Variants in CRNKL1 observed in about 807,000 individuals in gnomAD.
CRNKL1 encodes the protein crooked neck pre-mRNA splicing factor 1.
A neutral mutation model predicts 103.7 loss-of-function variants in CRNKL1; 35 were observed. That is an observed-to-expected ratio of 0.34 (90% CI 0.26 to 0.45). The LOEUF is 0.45. Ranked by LOEUF, CRNKL1 falls within the 20% of genes least tolerant of loss-of-function variation. The pLI, the probability that CRNKL1 is intolerant of heterozygous loss-of-function variation, is 1.00. For missense variants in CRNKL1, 645 were observed against 836.0 expected, an observed-to-expected ratio of 0.77 and a Z score of 2.82; for synonymous variants, 267 against 282.6, an observed-to-expected ratio of 0.94 and a Z score of 0.55.
chr20:20,050,960 A>C (rs1161670821), intron 1 of CRNKL1, among the ~76,000 whole-genome samples: 1 of 152,248 alleles, frequency 6.6e-6, no homozygotes, highest in Admixed American at 6.5e-5. Flanking sequence ...CAAAATGTGT[A>C]GCACATCTTA....
intron 7 of CRNKL1, 78 bp from the exon 8 acceptor site, chr20:20,042,594 G>T: frequency 7.4e-7 from 1 of 1,342,496 alleles, no homozygotes; most frequent in Non-Finnish European, 1.0e-6. Context: ...CTGAAAAAAG[G>T]CATCAGGCTG....
At chr20:20,038,737 C>G (rs1403389030) in intron 11 of CRNKL1, 3 of 278,470 alleles carry the variant, frequency 1.1e-5, no homozygotes, top group Non-Finnish European at 2.0e-5. Context: ...ACTTGCCAAG[C>G]ATCTCCCAGG....
At chr20:20,050,880 C>T in intron 1 of CRNKL1, among the ~76,000 whole-genome samples, 1 of 152,156 alleles carries the variant, frequency 6.6e-6, no homozygotes, top group Non-Finnish European at 1.5e-5. Context: ...CAAGTTTTCC[C>T]TTTTAGATGA....
upstream of CRNKL1, among the ~76,000 whole-genome samples, chr20:20,053,886 A>C (rs2044000956): frequency 6.6e-6 from 1 of 152,176 alleles, no homozygotes; most frequent in Non-Finnish European, 1.5e-5. Flanking sequence ...TCATTGGTTT[A>C]ATCATCTGTT....
At chr20:20,052,571 C>T (rs982161407), upstream of CRNKL1, 4 of 1,613,806 alleles carry the variant, frequency 2.5e-6, no homozygotes, top group African/African-American at 4.0e-5. Context: ...TGGAGTGCGG[C>T]GTCCTGGAGC....
intron 12 of CRNKL1, 70 bp from the exon 13 acceptor site, chr20:20,037,641 A>G: frequency 6.8e-7 from 1 of 1,467,960 alleles, no homozygotes; most frequent in Non-Finnish European, 9.2e-7. Flanking sequence ...GTAATAATAA[A>G]GCGAATTCCC....
upstream of CRNKL1, chr20:20,052,620 A>T (rs1568773147): frequency 6.2e-7 from 1 of 1,613,700 alleles, no homozygotes; most frequent in Non-Finnish European, 8.5e-7. Flanking sequence ...ACTAGCAGCG[A>T]CGCAAGGACT....
chr20:20,036,421 G>T (rs1340004223), intron 13 of CRNKL1, 59 bp from the exon 14 acceptor site: 3 of 1,517,420 alleles, frequency 2.0e-6, no homozygotes, highest in Non-Finnish European at 2.7e-6. Context: ...ACATATCAGA[G>T]TGAAGAATTT....
chr20:20,049,166 A>G (rs1282566148), intron 3 of CRNKL1, among the ~76,000 whole-genome samples, 174 bp downstream of exon 3: 2 of 151,792 alleles, frequency 1.3e-5, no homozygotes, highest in Non-Finnish European at 2.9e-5. Flanking sequence ...GGACTATTCT[A>G]CCCCAGTACT....
chr20:20,038,996 G>A (rs2043467875), intron 11 of CRNKL1, among the ~76,000 whole-genome samples: 1 of 152,344 alleles, frequency 6.6e-6, no homozygotes, highest in Admixed American at 6.5e-5. Flanking sequence ...GATGAACTCA[G>A]TGATACCCAA....
upstream of CRNKL1, among the ~76,000 whole-genome samples, chr20:20,054,368 A>G (rs1237349754): frequency 6.6e-6 from 1 of 151,892 alleles, no homozygotes; most frequent in Non-Finnish European, 1.5e-5. Flanking sequence ...CCCATTGACT[A>G]TTTTGTATGG....
intron 13 of CRNKL1, 63 bp downstream of exon 13, chr20:20,037,260 C>T (rs531686665): frequency 6.2e-5 from 97 of 1,552,878 alleles, no homozygotes; most frequent in Non-Finnish European, 7.7e-5. Context: ...GTCCACATTT[C>T]GACGTCAGAA....
At chr20:20,043,199 G>A (rs2043542890) in intron 7 of CRNKL1, among the ~76,000 whole-genome samples, 2 of 152,146 alleles carry the variant, frequency 1.3e-5, no homozygotes, top group South Asian at 4.1e-4. Flanking sequence ...TTCCAACAAT[G>A]AGCTCGAATG....
Position 20,045,442 on chromosome 20 carries a change from G to A in CRNKL1, c.667C>T (p.Arg223Cys), listed in dbSNP as rs758267504. 1.4e-5 allele frequency: 22 copies of A among 1,611,928 alleles called. 1 individual carries two copies. The East Asian group carries it at 1.6e-4, about 11-fold the overall frequency. ...PDVKNWIKYA[R>C]FEEKHAYFAH... ...AAATAAGCATGTTTTTCTTCAAAGC[G>A]GGCATACTTGATCCAGTTCTTAACA... is the stretch of plus-strand genomic sequence containing the variant. Residue 223 changes from arginine to cysteine, a missense_variant, in exon 6 of 14, where the codon CGC becomes TGC. Arg to Cys is a radical substitution (Grantham distance 180). This residue lies in a region of CRNKL1 where 582 missense variants were observed against 707.7 expected (regional missense o/e 0.82). Coordinates refer to ENST00000536226, the MANE Select transcript of CRNKL1 (RefSeq NM_001278628.2).
intron 2 of CRNKL1, 71 bp downstream of exon 2, chr20:20,050,399 A>AT (rs2043669446): frequency 1.4e-6 from 2 of 1,401,740 alleles, no homozygotes; most frequent in Non-Finnish European, 2.0e-6. Flanking sequence ...AATCCAACCA[A>AT]TGAGGAGCTT....
chr20:20,041,552 T>C lies in CRNKL1; in HGVS notation c.1224+14A>G, dbSNP rs2043514946. 6.2e-7 allele frequency: 1 copy of C among 1,602,620 alleles called. No individual in the cohort carries two copies. The highest frequency in any genetic ancestry group is 8.6e-7 in the Non-Finnish European group (1 of 1,169,508). ...CTGACCTGTTTGAAATGGAACACTT[T>C]AGAGCAAACATACCTTTTTGTGAGG... is the stretch of plus-strand genomic sequence containing the variant. On this transcript the variant is annotated intron_variant, in intron 9 of 13. Transcript: ENST00000536226.
At position 20,037,416 on chromosome 20, in the gene CRNKL1, T is replaced by C. The variant is rs751155897; in HGVS notation, c.1803A>G (p.Glu601=). 5 of 1,614,210 alleles carry C rather than the reference T, an allele frequency of 3.1e-6. No individual in the cohort carries two copies. In the East Asian group the frequency reaches 6.7e-5, roughly 22 times the overall value. ...TATCTGAAGCTGTTCCAAATTCTTCTTCAAAACTTCGCCAAGATTCCAGCA... is the reference window on the plus strand; with the variant it reads ...TATCTGAAGCTGTTCCAAATTCTTCCTCAAAACTTCGCCAAGATTCCAGCA... ...LMLLESWRSF[E]EEFGTASDKE... is the part of the protein sequence containing the mutation. Residue 601 remains glutamate, a synonymous_variant, in exon 13 of 14, where the codon GAA becomes GAG. Transcript: ENST00000536226.
In CRNKL1 at chr20:20,034,576, T is replaced by TTAAG. The variant is rs1308003993; in HGVS notation, c.*1615_*1618dup. 2 of 151,418 alleles carry TTAAG rather than the reference T, an allele frequency of 1.3e-5. No homozygotes were observed. Among genetic ancestry groups the TTAAG allele is most frequent in the East Asian group, 1.9e-4 (1 of 5,174 alleles). The allele number at this position is 151,418 out of a possible 1,614,324, so 9.4% of individuals were successfully genotyped here. On this transcript the variant is annotated 3_prime_UTR_variant, in exon 14 of 14. Coordinates refer to ENST00000536226, the MANE Select transcript of CRNKL1 (RefSeq NM_001278628.2). The stretch of plus-strand genomic sequence containing the variant: ...ACAGATAATTCTAGGAAGACTGTGA[T>TTAAG]TAAGTCACTTGCATTCTGACCTATT...
upstream of CRNKL1, among the ~76,000 whole-genome samples, chr20:20,054,827 G>A (rs1036732503): frequency 2.4e-4 from 37 of 152,136 alleles, no homozygotes; most frequent in Admixed American, 2.2e-3. Flanking sequence ...TTAGGGTTTT[G>A]TAGTTTTACT....
Sources: gnomAD v4.1 joint callset for allele counts (sites outside exome capture counted in the v4.1 genomes callset) on GRCh38, gnomAD v4.1.1 for gene constraint, gnomAD v4.1.1 regional missense constraint, MANE v1.5 for transcripts, NCBI Gene and HGNC (gene_info 2026-07-23, HGNC 2026-07-21) for gene names.